CTTNBP2: variants seen among roughly 807,000 people sequenced by gnomAD.
CTTNBP2 encodes the protein cortactin binding protein 2.
A neutral mutation model predicts 156.9 loss-of-function variants in CTTNBP2; 108 were observed. The ratio of observed to expected loss-of-function variants is 0.69; its 90% confidence interval spans 0.59 to 0.81. The LOEUF (loss-of-function observed/expected upper bound fraction) is 0.81. Ranked by LOEUF, CTTNBP2 falls within the 30% of genes least tolerant of loss-of-function variation. The probability of loss-of-function intolerance (pLI) is 0.00; values close to 1 mark genes in which losing one functional copy is unlikely to be tolerated. For synonymous variants in CTTNBP2, 767 were observed against 751.8 expected, an observed-to-expected ratio of 1.02 and a Z score of -0.33; for missense variants, 1,924 against 2,035.4, an observed-to-expected ratio of 0.95 and a Z score of 1.05.
intron 22 of CTTNBP2, among the ~76,000 whole-genome samples, chr7:117,714,459 C>G (rs548201693): frequency 6.6e-6 from 1 of 152,266 alleles, no homozygotes; most frequent in Non-Finnish European, 1.5e-5. Flanking sequence ...AGTTGCTATA[C>G]AGAATCTGGT....
At chr7:117,819,985 A>G (rs1243844000) in intron 2 of CTTNBP2, among the ~76,000 whole-genome samples, 2 of 152,254 alleles carry the variant, frequency 1.3e-5, no homozygotes, top group East Asian at 1.9e-4. Flanking sequence ...TTGGTTGCAC[A>G]GAAGTCAGAG....
At chr7:117,830,923 A>C (rs1801563971) in intron 2 of CTTNBP2, among the ~76,000 whole-genome samples, 1 of 152,202 alleles carries the variant, frequency 6.6e-6, no homozygotes, top group East Asian at 1.9e-4. Flanking sequence ...TAGTCAAAGA[A>C]TCCTCTTGGC....
chr7:117,778,542 G>A (rs1460621953), intron 7 of CTTNBP2, among the ~76,000 whole-genome samples: 2 of 152,126 alleles, frequency 1.3e-5, no homozygotes, highest in Admixed American at 6.5e-5. Flanking sequence ...TATCACCTGG[G>A]AACTTTATAG....
At position 117,767,078 on chromosome 7, in the gene CTTNBP2, C is replaced by T. The variant is rs763025641; in HGVS notation, c.2877G>A (p.Lys959=). 1.3e-6 allele frequency: 2 copies of T among 1,593,978 alleles called. No individual in the cohort carries two copies. Among genetic ancestry groups the T allele is most frequent in the African/African-American group, 2.7e-5 (2 of 74,558 alleles). The change falls in exon 9 of 23, where the codon AAG becomes AAA. Residue 959 remains lysine, a synonymous_variant. Coordinates refer to ENST00000160373, the MANE Select transcript of CTTNBP2 (RefSeq NM_033427.3). ...TVHDVATDDC[K]HLLENLNALK... is the part of the protein sequence containing the mutation. ...ACTCACTCAGATTCTCCAGCAAATG[C>T]TTGCAGTCATCAGTGGCAACATCAT...
chr7:117,817,909 A>C (rs1223374771), intron 2 of CTTNBP2, among the ~76,000 whole-genome samples: 1 of 152,158 alleles, frequency 6.6e-6, no homozygotes, highest in Non-Finnish European at 1.5e-5. Flanking sequence ...GGTCACTTTA[A>C]CAGCAGCTGA....
intron 12 of CTTNBP2, among the ~76,000 whole-genome samples, chr7:117,748,024 C>T (rs906020955): frequency 9.3e-5 from 14 of 150,824 alleles, no homozygotes; most frequent in African/African-American, 3.5e-4. Context: ...TATTAGTACA[C>T]CTTCAATAAA....
intron 3 of CTTNBP2, among the ~76,000 whole-genome samples, chr7:117,810,004 G>T (rs536079824): frequency 6.6e-6 from 1 of 152,148 alleles, no homozygotes; most frequent in Admixed American, 6.5e-5. Context: ...TATTAGAAGG[G>T]CAAAATTTAA....
intron 2 of CTTNBP2, among the ~76,000 whole-genome samples, chr7:117,822,553 T>C (rs1563043077): frequency 6.6e-6 from 1 of 152,212 alleles, no homozygotes; most frequent in Non-Finnish European, 1.5e-5. Context: ...GCATCTCAAA[T>C]GTTTTGACGT....
chr7:117,802,426 T>C (rs969743138), intron 3 of CTTNBP2, among the ~76,000 whole-genome samples: 16 of 138,456 alleles, frequency 1.2e-4, no homozygotes, highest in African/African-American at 4.3e-4. Context: ...CATTCTAGAC[T>C]TCAGCATTGG....
Position 117,791,421 on chromosome 7 carries a change from G to A in CTTNBP2, c.1775C>T (p.Pro592Leu). Residue 592 changes from proline to leucine, a missense_variant, in exon 4 of 23, where the codon CCA becomes CTA. Coordinates refer to ENST00000160373, the MANE Select transcript of CTTNBP2 (RefSeq NM_033427.3). ...KTVASTPSSL[P>L]QGNRVINEEN... is the part of the protein sequence containing the mutation. Reference sequence around the variant, plus strand: ...CTCATTGATCACCCTGTTCCCTTGTGGCAAACTGGAAGGAGTCGAAGCCAC... The same window carrying A: ...CTCATTGATCACCCTGTTCCCTTGTAGCAAACTGGAAGGAGTCGAAGCCAC... The A allele has an allele frequency of 6.2e-7, 1 of 1,614,190 alleles. No homozygotes were observed. Among genetic ancestry groups the A allele is most frequent in the Non-Finnish European group, 8.5e-7 (1 of 1,180,032 alleles).
At chr7:117,721,784 G>A (rs1033712047) in intron 19 of CTTNBP2, among the ~76,000 whole-genome samples, 1 of 152,160 alleles carries the variant, frequency 6.6e-6, no homozygotes, top group Non-Finnish European at 1.5e-5. Flanking sequence ...ATGCATATCA[G>A]TTATATATAC....
intron 2 of CTTNBP2, among the ~76,000 whole-genome samples, chr7:117,831,330 T>C (rs184508750): frequency 6.6e-6 from 1 of 152,202 alleles, no homozygotes; most frequent in Non-Finnish European, 1.5e-5. Context: ...CTCCAAGCAC[T>C]TTTTCTCTCC....
Position 117,801,456 on chromosome 7 carries a change from G to A in CTTNBP2, c.415-8675C>T, listed in dbSNP as rs141590526. Reference sequence around the variant, plus strand: ...TGAAGAGCTGTTGCAGCTTAAAGGAGACTAAAGAAAATAACAATTAAACGC... The same window carrying A: ...TGAAGAGCTGTTGCAGCTTAAAGGAAACTAAAGAAAATAACAATTAAACGC... On this transcript the variant is annotated intron_variant, in intron 3 of 22. Coordinates refer to ENST00000160373, the MANE Select transcript of CTTNBP2 (RefSeq NM_033427.3). Among the ~76,000 whole-genome samples, 22 of 152,224 alleles carry A rather than the reference G, an allele frequency of 1.4e-4. No homozygotes were observed. In the East Asian group the frequency reaches 2.5e-3, roughly 17 times the overall value.
At chr7:117,724,490 C>T in intron 19 of CTTNBP2, 57 bp downstream of exon 19, 1 of 1,432,860 alleles carries the variant, frequency 7.0e-7, no homozygotes, top group Non-Finnish European at 9.5e-7. Flanking sequence ...TGCTTTCAGA[C>T]ACTGGATCAC....
intron 19 of CTTNBP2, among the ~76,000 whole-genome samples, chr7:117,723,841 G>T (rs1312431080): frequency 6.8e-6 from 1 of 146,184 alleles, no homozygotes; most frequent in Non-Finnish European, 1.5e-5. Context: ...CAACCTCTGT[G>T]TCGCAGGTTC....
chr7:117,718,504 G>C (rs376773617), intron 21 of CTTNBP2, among the ~76,000 whole-genome samples: 1 of 152,078 alleles, frequency 6.6e-6, no homozygotes, highest in South Asian at 2.1e-4. Flanking sequence ...CTACTTTGTC[G>C]TAGATATTAT....
intron 2 of CTTNBP2, among the ~76,000 whole-genome samples, chr7:117,813,738 GTC>G (rs1203935604): frequency 6.6e-6 from 1 of 151,996 alleles, no homozygotes; most frequent in East Asian, 1.9e-4. Context: ...TCATTCAAAA[GTC>G]TCTCTGAACC....
At chr7:117,780,347 C>A in intron 7 of CTTNBP2, 94 bp downstream of exon 7, 1 of 837,734 alleles carries the variant, frequency 1.2e-6, no homozygotes, top group Non-Finnish European at 1.7e-6. Flanking sequence ...ATAAAGCAAC[C>A]TCTATTTTAA....
rs545239973 is a variant in CTTNBP2, at chr7:117,763,927, C to T, written c.2896+3132G>A. ...CTATTTCCCAATCTTCTTTTAGGGT[C>T]ATTTTTAAAAAATATTTTCTGCCCT... On this transcript the variant is annotated intron_variant, in intron 9 of 22. Coordinates refer to ENST00000160373, the MANE Select transcript of CTTNBP2 (RefSeq NM_033427.3). 2.6e-5 allele frequency among the ~76,000 whole-genome samples: 4 copies of T among 151,950 alleles called. No individual in the cohort carries two copies. The East Asian group carries it at 5.8e-4, about 22-fold the overall frequency.
Sources: gnomAD v4.1 joint callset for allele counts (sites outside exome capture counted in the v4.1 genomes callset) on GRCh38, gnomAD v4.1.1 for gene constraint, MANE v1.5 for transcripts, NCBI Gene and HGNC (gene_info 2026-07-23, HGNC 2026-07-21) for gene names.